ASTE1: variants seen among roughly 807,000 people sequenced by gnomAD.
The protein encoded by ASTE1 is single-strand DNA endonuclease ASTE1.
A neutral mutation model predicts 45.8 loss-of-function variants in ASTE1; 49 were observed. The observed-to-expected ratio is 1.07, with a 90% confidence interval of 0.85 to 1.36. The LOEUF is 1.36. Ranked by LOEUF, ASTE1 falls within the 40% of genes most tolerant of loss-of-function variation. The probability of loss-of-function intolerance (pLI) is 0.00; values close to 1 mark genes in which losing one functional copy is unlikely to be tolerated. For missense variants in ASTE1, 709 were observed against 804.0 expected, an observed-to-expected ratio of 0.88 and a Z score of 1.43; for synonymous variants, 296 against 303.9, an observed-to-expected ratio of 0.97 and a Z score of 0.27.
At position 131,018,519 on chromosome 3, in the gene ASTE1, T is replaced by G. The variant is rs765030322; in HGVS notation, c.1500A>C (p.Ile500=). The change falls in exon 4 of 6, where the codon ATA becomes ATC. Residue 500 remains isoleucine, a synonymous_variant. Transcript: ENST00000264992. ...CCAGTTACCTACCAGGGCTGTTGAT[T>G]ATGGCAATCAAGGGCCCCACTAGCA... ...LTMLVGPLIA[I]INSPGKEELQ... 1.7e-5 allele frequency: 27 copies of G among 1,613,888 alleles called. No homozygotes were observed. The highest frequency in any genetic ancestry group is 2.0e-5 in the Non-Finnish European group (24 of 1,179,992).
At chr3:131,016,464 T>C in intron 4 of ASTE1, 125 bp from the exon 5 acceptor site, 1 of 1,073,126 alleles carries the variant, frequency 9.3e-7, no homozygotes, top group Non-Finnish European at 1.3e-6. Context: ...GATGTTTTTC[T>C]CTTCTGGCTT....
chr3:131,024,817 A>C lies in ASTE1; in HGVS notation c.490T>G (p.Cys164Gly). 6.2e-7 allele frequency: 1 copy of C among 1,614,230 alleles called. No individual in the cohort carries two copies. Among genetic ancestry groups the C allele is most frequent in the Non-Finnish European group, 8.5e-7 (1 of 1,180,044 alleles). ...AACCCAGTTTTCAGGTCAAAAATGC[A>C]AAAGTCACTATCTGATGATAACACA... ...CPVLSSDSDFCIFDLKTGFCP... is the reference protein window; with the variant it reads ...CPVLSSDSDFGIFDLKTGFCP... Residue 164 changes from cysteine to glycine, a missense_variant, in exon 3 of 6, where the codon TGC becomes GGC. By Grantham distance (159) the Cys-to-Gly change is radical. Transcript: ENST00000264992.
chr3:131,016,428 G>T, intron 4 of ASTE1, 89 bp from the exon 5 acceptor site: 1 of 1,406,456 alleles, frequency 7.1e-7, no homozygotes, highest in Non-Finnish European at 9.8e-7. Flanking sequence ...ATTCTATAAA[G>T]AAAGAAATTA....
At chr3:131,023,226 C>T (rs2063766064) in intron 3 of ASTE1, among the ~76,000 whole-genome samples, 1 of 152,046 alleles carries the variant, frequency 6.6e-6, no homozygotes, top group Non-Finnish European at 1.5e-5. Flanking sequence ...TTTTGTGAGA[C>T]TGAATATTTC....
chr3:131,018,233 T>C (rs931666285), intron 4 of ASTE1, among the ~76,000 whole-genome samples: 2 of 151,838 alleles, frequency 1.3e-5, no homozygotes, highest in Admixed American at 1.3e-4. Context: ...GTTAAAGGAG[T>C]AGGTGCCACC....
chr3:131,020,500 T>G lies in ASTE1; in HGVS notation c.1303-1784A>C, dbSNP rs145596659. Among the ~76,000 whole-genome samples, 84 of 152,332 alleles carry G rather than the reference T, an allele frequency of 5.5e-4. 1 individual carries two copies. In the East Asian group the frequency reaches 0.014, roughly 26 times the overall value. ...TCCCATTGGTTAACTTGAATGGTGC[T>G]CTGTCCATTGCAACTAACATAACCA... On this transcript the variant is annotated intron_variant, in intron 3 of 5. Coordinates refer to ENST00000264992, the MANE Select transcript of ASTE1 (RefSeq NM_014065.4).
chr3:131,014,879 T>C (rs2063522357), intron 5 of ASTE1, among the ~76,000 whole-genome samples: 1 of 152,234 alleles, frequency 6.6e-6, no homozygotes, highest in African/African-American at 2.4e-5. Context: ...TAGCAATCCA[T>C]GTAGAACCAT....
chr3:131,020,962 A>G (rs942563241), intron 3 of ASTE1, among the ~76,000 whole-genome samples: 1 of 152,176 alleles, frequency 6.6e-6, no homozygotes, highest in Non-Finnish European at 1.5e-5. Context: ...CCTGATCCCT[A>G]TTTCACACCA....
At chr3:131,017,926 C>T (rs987342094) in intron 4 of ASTE1, among the ~76,000 whole-genome samples, 2 of 130,634 alleles carry the variant, frequency 1.5e-5, no homozygotes, top group Non-Finnish European at 3.1e-5. Flanking sequence ...GCCAAGATTG[C>T]ACCACTGCAC....
intron 3 of ASTE1, among the ~76,000 whole-genome samples, chr3:131,021,022 A>G (rs2109092883): frequency 6.6e-6 from 1 of 152,350 alleles, no homozygotes; most frequent in Non-Finnish European, 1.5e-5. Context: ...TCTAAATGTG[A>G]ACAGCAAAAA....
rs1249537624 is a variant in ASTE1, at chr3:131,014,381, G to C, written c.1716C>G (p.Tyr572Ter). 1 of 1,583,878 alleles carries C rather than the reference G, an allele frequency of 6.3e-7. No individual in the cohort carries two copies. Among genetic ancestry groups the C allele is most frequent in the Non-Finnish European group, 8.6e-7 (1 of 1,168,832 alleles). The stretch of plus-strand genomic sequence containing the variant: ...ATAGTCCGTGCACCAGGCTTCCACT[G>C]TACAGTCTGTTCAAAGCAAGAAAAA... ...PLPEPDLTRL[Y>*]SGSLVHGLCQ... Residue 572 changes from tyrosine (Y) to a stop codon, truncating the protein, a stop_gained, in exon 6 of 6, where the codon TAC (tyrosine) becomes TAG (stop). Transcript: ENST00000264992. LOFTEE classifies it low-confidence loss of function (END_TRUNC).
At chr3:131,019,865 T>C (rs2063719212) in intron 3 of ASTE1, among the ~76,000 whole-genome samples, 1 of 152,198 alleles carries the variant, frequency 6.6e-6, no homozygotes, top group Non-Finnish European at 1.5e-5. Context: ...ATACTGCTTT[T>C]AATAATATTG....
Position 131,023,994 on chromosome 3 carries a change from C to A in ASTE1, c.1302+11G>T, listed in dbSNP as rs2063774958. On this transcript the variant is annotated intron_variant, in intron 3 of 5. Coordinates refer to ENST00000264992, the MANE Select transcript of ASTE1 (RefSeq NM_014065.4). ...CTTTACAAAAATTTCATTAGTATTACAAATACTTACCTCAGTCAATCTGCT... is the reference window on the plus strand; with the variant it reads ...CTTTACAAAAATTTCATTAGTATTAAAAATACTTACCTCAGTCAATCTGCT... 1 of 1,564,636 alleles carries A rather than the reference C, an allele frequency of 6.4e-7. No homozygotes were observed. The highest frequency in any genetic ancestry group is 8.7e-7 in the Non-Finnish European group (1 of 1,155,626).
chr3:131,023,028 A>T (rs1027482097), intron 3 of ASTE1, among the ~76,000 whole-genome samples: 1 of 152,142 alleles, frequency 6.6e-6, no homozygotes, highest in African/African-American at 2.4e-5. Flanking sequence ...GACAACAAAA[A>T]TGTCTCCAGG....
chr3:131,017,639 C>G (rs367885399), intron 4 of ASTE1, among the ~76,000 whole-genome samples: 1 of 152,044 alleles, frequency 6.6e-6, no homozygotes, highest in Non-Finnish European at 1.5e-5. Flanking sequence ...TTTACTTCAC[C>G]TGGTATTATA....
At position 131,025,214 on chromosome 3, in the gene ASTE1, A is replaced by T; in HGVS notation, c.93T>A (p.Asp31Glu). The T allele has an allele frequency of 6.2e-7, 1 of 1,614,244 alleles. No homozygotes were observed. The highest frequency in any genetic ancestry group is 1.3e-5 in the African/African-American group (1 of 75,072). ...AAAGACGGTGGAAAAGAGCATAACCATCAATGACAATTTTTGTGTCCCGCA... is the reference window on the plus strand; with the variant it reads ...AAAGACGGTGGAAAAGAGCATAACCTTCAATGACAATTTTTGTGTCCCGCA... Reference protein sequence around the residue: ...LKLRDTKIVIDGYALFHRLCF... With the variant: ...LKLRDTKIVIEGYALFHRLCF... Residue 31 changes from aspartate (D) to glutamate (E), a missense_variant, in exon 3 of 6, where the codon GAT (aspartate) becomes GAA (glutamate). Asp to Glu is a conservative substitution (Grantham distance 45). Transcript: ENST00000264992.
chr3:131,015,732 T>C lies in ASTE1; in HGVS notation c.1709+412A>G, dbSNP rs568869867. Among the ~76,000 whole-genome samples, 24 of 151,314 alleles carry C rather than the reference T, an allele frequency of 1.6e-4. No individual in the cohort carries two copies. In the East Asian group the frequency reaches 4.5e-3, roughly 28 times the overall value. The stretch of plus-strand genomic sequence containing the variant: ...GGTAAGAAATGCAATTAAAAAAAAA[T>C]AGAGTAACAGGACTAGAGTGAATGA... On this transcript the variant is annotated intron_variant, in intron 5 of 5. Transcript: ENST00000264992.
chr3:131,014,382 TAC>T lies in ASTE1; in HGVS notation c.1713_1714del (p.Tyr572GlnfsTer27). On this transcript the variant is annotated frameshift_variant, in exon 6 of 6. Coordinates refer to ENST00000264992, the MANE Select transcript of ASTE1 (RefSeq NM_014065.4). LOFTEE classifies it low-confidence loss of function (END_TRUNC). ...TAGTCCGTGCACCAGGCTTCCACTG[TAC>T]AGTCTGTTCAAAGCAAGAAAAAAGT... is the stretch of plus-strand genomic sequence containing the variant. 3 of 1,583,950 alleles carry T rather than the reference TAC, an allele frequency of 1.9e-6. No individual in the cohort carries two copies. Among genetic ancestry groups the T allele is most frequent in the Non-Finnish European group, 2.6e-6 (3 of 1,168,840 alleles).
chr3:131,022,419 C>T (rs1435050070), intron 3 of ASTE1, among the ~76,000 whole-genome samples: 1 of 152,052 alleles, frequency 6.6e-6, no homozygotes, highest in Non-Finnish European at 1.5e-5. Context: ...ACAGGCTTGA[C>T]CTCCTGGGCT....
Sources: allele counts gnomAD v4.1 joint callset (sites outside exome capture counted in the v4.1 genomes callset), GRCh38; gene constraint gnomAD v4.1.1; transcripts MANE v1.5; gene names NCBI Gene and HGNC (gene_info 2026-07-23, HGNC 2026-07-21).